G3BP2: variants seen among roughly 807,000 people sequenced by gnomAD.
The protein encoded by G3BP2 is ras GTPase-activating protein-binding protein 2.
A neutral mutation model predicts 56.7 loss-of-function variants in G3BP2; 11 were observed. The observed-to-expected ratio is 0.19, with a 90% CI of 0.12 to 0.32. The LOEUF is 0.32. Ranked by LOEUF, G3BP2 falls within the 10% of genes least tolerant of loss-of-function variation. G3BP2 has a pLI of 1.00. For missense variants in G3BP2, 340 were observed against 610.9 expected (o/e 0.56, Z 4.67); for synonymous variants, 165 against 191.6 (o/e 0.86, Z 1.15).
chr4:75,670,089 T>C (rs1200082823), intron 1 of G3BP2, among the ~76,000 whole-genome samples: 1 of 152,178 alleles, frequency 6.6e-6, no homozygotes, highest in Non-Finnish European at 1.5e-5. Flanking sequence ...ATAAGACCTC[T>C]AGTAATAGGA....
At chr4:75,695,488 T>C (rs1190654121) in intron 3 of G3BP2, among the ~76,000 whole-genome samples, 1 of 151,994 alleles carries the variant, frequency 6.6e-6, no homozygotes, top group African/African-American at 2.4e-5. Flanking sequence ...TAGCCAAAAA[T>C]GTGGGTATGG....
At chr4:75,646,279 AAATT>A in intron 11 of G3BP2, 55 bp downstream of exon 11, 1 of 785,114 alleles carries the variant, frequency 1.3e-6, no homozygotes, top group Non-Finnish European at 2.2e-6. Context: ...TAAATACCCC[AAATT>A]AATATATACA....
chr4:75,702,268 C>T (rs1250206625), intron 3 of G3BP2, among the ~76,000 whole-genome samples: 1 of 150,900 alleles, frequency 6.6e-6, no homozygotes, highest in East Asian at 2.0e-4. Flanking sequence ...TTCCATCTCC[C>T]AAGTAGCCGG....
chr4:75,653,898 A>C (rs972458158), intron 8 of G3BP2, 85 bp downstream of exon 8: 1 of 680,470 alleles, frequency 1.5e-6, no homozygotes, highest in Non-Finnish European at 2.7e-6. Flanking sequence ...ATAATTTCTG[A>C]TTGACTCATT....
intron 3 of G3BP2, among the ~76,000 whole-genome samples, chr4:75,684,017 T>G (rs1015807253): frequency 2.6e-5 from 4 of 152,142 alleles, no homozygotes; most frequent in Admixed American, 2.6e-4. Flanking sequence ...TCCAAGAGAC[T>G]TTCAATGAGT....
intron 3 of G3BP2, among the ~76,000 whole-genome samples, chr4:75,681,780 C>T (rs188888786): frequency 1.8e-3 from 260 of 148,066 alleles, no homozygotes; most frequent in Non-Finnish European, 2.1e-3. Flanking sequence ...ACCCAGGAGG[C>T]GGAGGTTGCA....
intron 2 of G3BP2, among the ~76,000 whole-genome samples, chr4:75,660,834 T>C (rs1284312623): frequency 6.6e-6 from 1 of 152,130 alleles, no homozygotes; most frequent in African/African-American, 2.4e-5. Flanking sequence ...TATCTTCTAC[T>C]TGCTAAGATA....
chr4:75,720,235 C>T (rs971943354), intron 3 of G3BP2, among the ~76,000 whole-genome samples: 3 of 151,662 alleles, frequency 2.0e-5, no homozygotes, highest in African/African-American at 7.3e-5. Flanking sequence ...TTTGAGGGCG[C>T]CGGGCGCGGT....
intron 1 of G3BP2, among the ~76,000 whole-genome samples, chr4:75,672,120 G>A (rs1441549464): frequency 1.3e-5 from 2 of 152,158 alleles, no homozygotes; most frequent in African/African-American, 2.4e-5. Flanking sequence ...ATCATACAGG[G>A]AGAACAGGAC....
chr4:75,684,673 G>A (rs1718503112), intron 3 of G3BP2, among the ~76,000 whole-genome samples: 3 of 151,958 alleles, frequency 2.0e-5, no homozygotes, highest in Non-Finnish European at 2.9e-5. Context: ...AGCCTCCCTA[G>A]GAACATGCCA....
At chr4:75,652,369 T>C (rs1271946455) in intron 8 of G3BP2, among the ~76,000 whole-genome samples, 1 of 152,156 alleles carries the variant, frequency 6.6e-6, no homozygotes, top group East Asian at 1.9e-4. Flanking sequence ...ATGCCTGTAA[T>C]CCCCACCGTT....
intron 3 of G3BP2, among the ~76,000 whole-genome samples, chr4:75,693,852 A>T (rs907639145): frequency 2.0e-5 from 3 of 149,898 alleles, no homozygotes; most frequent in Non-Finnish European, 4.4e-5. Flanking sequence ...CTCAGGCCTT[A>T]GCCTCCCAAG....
intron 2 of G3BP2, among the ~76,000 whole-genome samples, chr4:75,660,094 T>C (rs1732429971): frequency 6.6e-6 from 1 of 152,152 alleles, no homozygotes; most frequent in South Asian, 2.1e-4. Context: ...AGAAAGAAAT[T>C]GGTCAAATAA....
chr4:75,653,102 G>GA (rs757052448), intron 8 of G3BP2, among the ~76,000 whole-genome samples: 466 of 121,186 alleles, frequency 3.8e-3, no homozygotes, highest in African/African-American at 9.7e-3. Context: ...ATACCCAAAT[G>GA]AAAAAAAAAA....
intron 3 of G3BP2, among the ~76,000 whole-genome samples, chr4:75,716,524 T>C (rs1046738022): frequency 1.3e-5 from 2 of 150,360 alleles, no homozygotes; most frequent in African/African-American, 4.9e-5. Context: ...GTTTTTGTTG[T>C]TGTTTTTGGA....
chr4:75,645,548 C>A lies in G3BP2; in HGVS notation c.1331G>T (p.Gly444Val), dbSNP rs774416213. ...TCTTCCATCACGATCACGCATCATT[C>A]CACCACCCACAATTCCACGTGGACC... Reference protein sequence around the residue: ...PGGPRGIVGGGMMRDRDGRGP... With the variant: ...PGGPRGIVGGVMMRDRDGRGP... The change falls in exon 12 of 12, where the codon GGA (glycine) becomes GTA (valine). Residue 444 changes from glycine (G) to valine (V), a missense_variant. Around this residue, in one of 4 missense-constraint regions of G3BP2, gnomAD observed 94 missense variants for 173.8 expected, o/e 0.54. Transcript: ENST00000359707. 3.1e-5 allele frequency: 50 copies of A among 1,613,938 alleles called. 1 individual carries two copies. Among genetic ancestry groups the A allele is most frequent in the Non-Finnish European group, 4.0e-5 (47 of 1,180,016 alleles).
At chr4:75,697,034 T>C (rs1199636409) in intron 3 of G3BP2, among the ~76,000 whole-genome samples, 2 of 152,120 alleles carry the variant, frequency 1.3e-5, no homozygotes, top group Non-Finnish European at 2.9e-5. Flanking sequence ...CCCAGCACTT[T>C]GGGAGGCCAA....
chr4:75,680,798 G>C (rs9998988), intron 3 of G3BP2, among the ~76,000 whole-genome samples: 152,012 of 152,016 alleles, frequency 1, 76,004 homozygotes, highest in Middle Eastern at 1. Context: ...AACCCCATCT[G>C]TACTAAAAAT....
intron 3 of G3BP2, among the ~76,000 whole-genome samples, chr4:75,684,932 T>C (rs998659320): frequency 5.9e-5 from 9 of 152,160 alleles, no homozygotes; most frequent in Non-Finnish European, 1.0e-4. Flanking sequence ...ATAAAGGCTT[T>C]ATAGTATAAA....
Sources: allele counts gnomAD v4.1 joint callset (sites outside exome capture counted in the v4.1 genomes callset), GRCh38; gene constraint gnomAD v4.1.1; regional missense constraint gnomAD v4.1.1; transcripts MANE v1.5; gene names NCBI Gene and HGNC (gene_info 2026-07-23, HGNC 2026-07-21).